Variants in KCNH1 observed in about 807,000 individuals in gnomAD.
KCNH1 encodes the protein potassium voltage-gated channel subfamily H member 1.
KCNH1 carries 27 observed loss-of-function variants against 69.2 expected under a neutral mutation model. The ratio of observed to expected loss-of-function variants is 0.39; its 90% CI spans 0.29 to 0.54. The LOEUF (loss-of-function observed/expected upper bound fraction) is 0.54. KCNH1 is among the 20% of genes least tolerant of loss of function. The pLI, the probability that KCNH1 is intolerant of heterozygous loss-of-function variation, is 0.68. For synonymous variants in KCNH1, 456 were observed against 487.7 expected, an observed-to-expected ratio of 0.93 and a Z score of 0.86; for missense variants, 798 against 1,261.6, an observed-to-expected ratio of 0.63 and a Z score of 5.57.
chr1:210,711,284 G>C (rs1682067727), intron 10 of KCNH1, among the ~76,000 whole-genome samples: 1 of 152,360 alleles, frequency 6.6e-6, no homozygotes, highest in African/African-American at 2.4e-5. Flanking sequence ...CTGGGCCTCT[G>C]CTAAGATGTG....
At chr1:211,001,477 C>T (rs1361544903) in intron 6 of KCNH1, among the ~76,000 whole-genome samples, 1 of 152,154 alleles carries the variant, frequency 6.6e-6, no homozygotes, top group African/African-American at 2.4e-5. Context: ...CCATCCCACA[C>T]CAGTTAGAAT....
At chr1:210,756,381 T>C (rs1431454228) in intron 10 of KCNH1, among the ~76,000 whole-genome samples, 1 of 152,188 alleles carries the variant, frequency 6.6e-6, no homozygotes, top group African/African-American at 2.4e-5. Context: ...CCTTTAAAAA[T>C]TCATACTTTG....
intron 7 of KCNH1, among the ~76,000 whole-genome samples, chr1:210,819,424 A>C (rs1684881675): frequency 6.6e-6 from 1 of 152,126 alleles, no homozygotes; most frequent in African/African-American, 2.4e-5. Flanking sequence ...TGTCAGGAGG[A>C]GGGAAGCGAG....
chr1:211,007,933 C>CG (rs1558565636), intron 6 of KCNH1, among the ~76,000 whole-genome samples: 1 of 14,796 alleles, frequency 6.8e-5, no homozygotes, highest in East Asian at 2.7e-3. Flanking sequence ...AAAAAGGGAA[C>CG]CTTGAGCACT....
chr1:210,936,100 C>T (rs1227529644), intron 6 of KCNH1, among the ~76,000 whole-genome samples: 1 of 152,202 alleles, frequency 6.6e-6, no homozygotes, highest in African/African-American at 2.4e-5. Flanking sequence ...CTCAGTCTTT[C>T]AGGTTGATAG....
intron 7 of KCNH1, among the ~76,000 whole-genome samples, chr1:210,834,041 G>T (rs539357485): frequency 2.0e-5 from 3 of 152,318 alleles, no homozygotes; most frequent in Admixed American, 2.0e-4. Flanking sequence ...AACAACAGCT[G>T]CTGGACAGGA....
chr1:210,722,290 G>C (rs942858596), intron 10 of KCNH1, among the ~76,000 whole-genome samples: 1 of 152,150 alleles, frequency 6.6e-6, no homozygotes, highest in Non-Finnish European at 1.5e-5. Context: ...GGGCTGTTTT[G>C]GCTTCAGTGT....
intron 5 of KCNH1, among the ~76,000 whole-genome samples, chr1:211,035,260 T>G (rs1689874690): frequency 1.1e-5 from 1 of 91,124 alleles, no homozygotes; most frequent in Non-Finnish European, 2.4e-5. Context: ...TTTTTTTTTT[T>G]TTTTTTGAGA....
intron 7 of KCNH1, among the ~76,000 whole-genome samples, chr1:210,857,383 C>T (rs1016387642): frequency 6.6e-6 from 1 of 151,904 alleles, no homozygotes; most frequent in African/African-American, 2.4e-5. Flanking sequence ...TAAGGCCGGA[C>T]CTTTGAATTT....
At chr1:210,725,350 T>C (rs1682561771) in intron 10 of KCNH1, among the ~76,000 whole-genome samples, 1 of 152,164 alleles carries the variant, frequency 6.6e-6, no homozygotes, top group Admixed American at 6.5e-5. Flanking sequence ...TCAAGATACA[T>C]TTACTGAGCA....
chr1:210,812,887 G>T (rs1273806761), intron 7 of KCNH1, among the ~76,000 whole-genome samples: 1 of 152,242 alleles, frequency 6.6e-6, no homozygotes, highest in East Asian at 1.9e-4. Context: ...AGGAAGGAAA[G>T]ATGGAGTCTT....
chr1:210,695,702 CTTCT>C (rs1337510827), intron 10 of KCNH1, among the ~76,000 whole-genome samples: 1 of 152,112 alleles, frequency 6.6e-6, no homozygotes, highest in Non-Finnish European at 1.5e-5. Flanking sequence ...AGTCAATTAA[CTTCT>C]TTGTCTTTGT....
At chr1:210,859,231 A>G in intron 7 of KCNH1, 1 of 1,612,558 alleles carries the variant, frequency 6.2e-7, no homozygotes, top group Non-Finnish European at 8.5e-7. Context: ...CAACTGGAGC[A>G]CTGAATTTGT....
At chr1:210,830,346 C>T (rs558178713) in intron 7 of KCNH1, among the ~76,000 whole-genome samples, 43 of 152,336 alleles carry the variant, frequency 2.8e-4, no homozygotes, top group Admixed American at 6.5e-4. Context: ...ACCAAGGATG[C>T]CTTCCTAAAG....
intron 5 of KCNH1, among the ~76,000 whole-genome samples, chr1:211,026,400 C>CAAG (rs1689685640): frequency 4.3e-5 from 6 of 139,022 alleles, no homozygotes; most frequent in South Asian, 4.6e-4. Context: ...AAAAAACAAC[C>CAAG]ACAACAACAA....
intron 9 of KCNH1, among the ~76,000 whole-genome samples, chr1:210,789,445 G>C (rs930155166): frequency 2.0e-5 from 3 of 152,138 alleles, no homozygotes; most frequent in African/African-American, 4.8e-5. Context: ...TTGGGTACTA[G>C]ATGCAAAAGT....
intron 7 of KCNH1, among the ~76,000 whole-genome samples, chr1:210,857,470 G>T (rs1685877965): frequency 6.6e-6 from 1 of 152,032 alleles, no homozygotes; most frequent in African/African-American, 2.4e-5. Context: ...GGGGGTGAGG[G>T]GGAACTGTCT....
chr1:210,721,667 G>A (rs574883058), intron 10 of KCNH1, among the ~76,000 whole-genome samples: 18 of 152,216 alleles, frequency 1.2e-4, no homozygotes, highest in African/African-American at 2.9e-4. Flanking sequence ...TAGAAGGAGC[G>A]GGGAGGGATA....
At chr1:210,981,372 C>CAAAAAAAA (rs10684074) in intron 6 of KCNH1, among the ~76,000 whole-genome samples, 52 of 85,420 alleles carry the variant, frequency 6.1e-4, no homozygotes, top group Admixed American at 7.7e-4. Context: ...GTAACAACGA[C>CAAAAAAAA]AAAAAAAAAA....
Sources: allele counts gnomAD v4.1 joint callset (sites outside exome capture counted in the v4.1 genomes callset), GRCh38; gene constraint gnomAD v4.1.1; transcripts MANE v1.5; gene names NCBI Gene and HGNC (gene_info 2026-07-23, HGNC 2026-07-21).